The following PRR5L variants were observed in gnomAD, a reference collection of about 807,000 sequenced individuals.
The protein encoded by PRR5L is proline-rich protein 5-like.
A neutral mutation model predicts 36.4 loss-of-function variants in PRR5L; 21 were observed. The ratio of observed to expected loss-of-function variants is 0.58; its 90% confidence interval spans 0.41 to 0.83. The LOEUF is 0.83. Among genes scored for constraint, PRR5L ranks in the 40% least tolerant of loss-of-function variants. The pLI, the probability that PRR5L is intolerant of heterozygous loss-of-function variation, is 0.00. For synonymous variants in PRR5L, 188 were observed against 197.0 expected, an observed-to-expected ratio of 0.95 and a Z score of 0.38; for missense variants, 381 against 473.3, an observed-to-expected ratio of 0.80 and a Z score of 1.81.
Position 36,403,463 on chromosome 11 carries a change from G to GTT in PRR5L, c.245+100_245+101dup, listed in dbSNP as rs34764114. On this transcript the variant is annotated intron_variant, in intron 3 of 8. Transcript: ENST00000530639. ...GGCTACCGCCTTAGGAGCCTTAAGG[G>GTT]TTTTTTTTTTTTTTTTCCTGCTTGA... The GTT allele has an allele frequency of 6.6e-3, 4,263 of 642,882 alleles. 2 individuals are homozygous for GTT. Among genetic ancestry groups the GTT allele is most frequent in the African/African-American group, 9.5e-3 (413 of 43,632 alleles). The allele number at this position is 642,882 out of a possible 1,614,324, so 39.8% of individuals were successfully genotyped here.
intron 1 of PRR5L, among the ~76,000 whole-genome samples, chr11:36,327,410 A>G (rs1301505860): frequency 6.6e-6 from 1 of 152,228 alleles, no homozygotes; most frequent in Admixed American, 6.5e-5. Flanking sequence ...CTTTGTAACA[A>G]TAAGATTCCA....
At chr11:36,378,190 G>T (rs1295918853) in intron 1 of PRR5L, among the ~76,000 whole-genome samples, 1 of 152,206 alleles carries the variant, frequency 6.6e-6, no homozygotes, top group Non-Finnish European at 1.5e-5. Flanking sequence ...GAAGCAGCTA[G>T]CGGGTCAGGA....
At chr11:36,423,487 T>C (rs893358557) in intron 4 of PRR5L, among the ~76,000 whole-genome samples, 1 of 152,172 alleles carries the variant, frequency 6.6e-6, no homozygotes, top group Admixed American at 6.5e-5. Flanking sequence ...GCAAGCTGGA[T>C]GGAGAGAAGA....
At chr11:36,347,782 C>T (rs1856882044) in intron 1 of PRR5L, among the ~76,000 whole-genome samples, 1 of 151,880 alleles carries the variant, frequency 6.6e-6, no homozygotes, top group African/African-American at 2.4e-5. Context: ...ACATAGCCTC[C>T]TTCTAAAGTA....
intron 1 of PRR5L, among the ~76,000 whole-genome samples, chr11:36,327,851 T>C (rs555533592): frequency 2.0e-5 from 3 of 152,188 alleles, no homozygotes; most frequent in South Asian, 4.1e-4. Context: ...CGGCACCCCC[T>C]GTCCCAACTT....
At chr11:36,401,762 G>A (rs568427536) in intron 2 of PRR5L, among the ~76,000 whole-genome samples, 2 of 152,082 alleles carry the variant, frequency 1.3e-5, no homozygotes, top group East Asian at 1.9e-4. Context: ...AATATCCAGC[G>A]TGTCTGTTAG....
intron 1 of PRR5L, among the ~76,000 whole-genome samples, chr11:36,370,345 T>C (rs1857185151): frequency 6.6e-6 from 1 of 152,202 alleles, no homozygotes; most frequent in African/African-American, 2.4e-5. Context: ...AAAGCATTTC[T>C]CTTCTTTTTT....
chr11:36,335,944 G>A (rs926572895), intron 1 of PRR5L, among the ~76,000 whole-genome samples: 3 of 152,168 alleles, frequency 2.0e-5, no homozygotes, highest in African/African-American at 7.2e-5. Flanking sequence ...TCTTGTGTAA[G>A]CCGCAGAACA....
chr11:36,415,242 T>C (rs1251146048), intron 3 of PRR5L, among the ~76,000 whole-genome samples: 2 of 152,196 alleles, frequency 1.3e-5, no homozygotes, highest in Admixed American at 6.5e-5. Flanking sequence ...CTGGATACTT[T>C]CTACAGGGTC....
chr11:36,456,617 G>T (rs1336402847), intron 8 of PRR5L, among the ~76,000 whole-genome samples: 1 of 152,224 alleles, frequency 6.6e-6, no homozygotes, highest in East Asian at 1.9e-4. Flanking sequence ...TGTGCTGTCA[G>T]CTCTGGGTTT....
chr11:36,400,840 G>A (rs561329175), intron 1 of PRR5L, among the ~76,000 whole-genome samples, 157 bp from the exon 2 acceptor site: 6 of 152,202 alleles, frequency 3.9e-5, no homozygotes, highest in Non-Finnish European at 8.8e-5. Context: ...AAAGAGCCCT[G>A]TGCAAACTTG....
rs137915430 is a variant in PRR5L, at chr11:36,404,526, A to C, written c.245+1148A>C. The stretch of plus-strand genomic sequence containing the variant: ...CGTGATCCACCCACCTCAGCCTCCC[A>C]AAGTGCTGGGATTACAGGCGTGAGC... On this transcript the variant is annotated intron_variant, in intron 3 of 8. Transcript: ENST00000530639. 8.1e-3 allele frequency among the ~76,000 whole-genome samples: 1,236 copies of C among 152,184 alleles called. 30 individuals are homozygous for C. The highest frequency in any genetic ancestry group is 0.05 in the East Asian group (260 of 5,160).
At chr11:36,306,359 T>A (rs1856431564) in intron 1 of PRR5L, among the ~76,000 whole-genome samples, 1 of 152,210 alleles carries the variant, frequency 6.6e-6, no homozygotes, top group Admixed American at 6.5e-5. Flanking sequence ...CTTGTGATAG[T>A]TTGCTGAGCA....
chr11:36,448,887 T>G (rs1408640397), intron 7 of PRR5L, among the ~76,000 whole-genome samples: 2 of 152,190 alleles, frequency 1.3e-5, no homozygotes, highest in Non-Finnish European at 2.9e-5. Flanking sequence ...TTAAGAGAGC[T>G]GGATTGCTCC....
intron 1 of PRR5L, among the ~76,000 whole-genome samples, chr11:36,325,083 C>T (rs1470195773): frequency 6.6e-6 from 1 of 152,128 alleles, no homozygotes; most frequent in Non-Finnish European, 1.5e-5. Flanking sequence ...GTTCTCTGAC[C>T]TGGGGTTCTT....
At chr11:36,458,280 T>C (rs2133636444) in intron 8 of PRR5L, among the ~76,000 whole-genome samples, 1 of 152,234 alleles carries the variant, frequency 6.6e-6, no homozygotes, top group African/African-American at 2.4e-5. Flanking sequence ...CACAGCAGCG[T>C]GTAGTGGGGA....
chr11:36,356,358 G>A (rs976074926), intron 1 of PRR5L, among the ~76,000 whole-genome samples: 1 of 152,172 alleles, frequency 6.6e-6, no homozygotes, highest in African/African-American at 2.4e-5. Context: ...TGGCCTCTGA[G>A]TGGGTGGTTT....
intron 1 of PRR5L, among the ~76,000 whole-genome samples, chr11:36,342,368 G>A (rs1337037127): frequency 2.6e-5 from 4 of 152,106 alleles, no homozygotes; most frequent in African/African-American, 9.7e-5. Context: ...TAAGAACAAA[G>A]GGGAGTGTTA....
intron 1 of PRR5L, chr11:36,376,345 AGAGGAGGAGGAG>A (rs145114661): frequency 2.9e-5 from 26 of 900,836 alleles, no homozygotes; most frequent in Non-Finnish European, 3.4e-5. Context: ...AGGAGGAGGA[AGAGGAGGAGGAG>A]GAGGAGGAGG....
Sources: gnomAD v4.1 joint callset for allele counts (sites outside exome capture counted in the v4.1 genomes callset) on GRCh38, gnomAD v4.1.1 for gene constraint, MANE v1.5 for transcripts, NCBI Gene and HGNC (gene_info 2026-07-23, HGNC 2026-07-21) for gene names.